YBEY: variants seen among roughly 807,000 people sequenced by gnomAD.
The protein encoded by YBEY is ybeY metalloendoribonuclease.
Under a neutral mutation model 13.5 loss-of-function variants are expected in YBEY, and 15 were observed. The observed-to-expected ratio is 1.11, with a 90% CI of 0.75 to 1.72. The LOEUF (loss-of-function observed/expected upper bound fraction) is 1.72. Ranked by LOEUF, YBEY falls within the 40% of genes most tolerant of loss-of-function variation. The pLI, the probability that YBEY is intolerant of heterozygous loss-of-function variation, is 0.00. For synonymous variants in YBEY, 101 were observed against 83.1 expected (o/e 1.21, Z -1.17); for missense variants, 244 against 208.4 (o/e 1.17, Z -1.05).
the YBEY span, among the ~76,000 whole-genome samples, chr21:46,303,745 A>ATATATATAT: frequency 2.5e-4 from 6 of 23,820 alleles, no homozygotes; most frequent in Admixed American, 8.1e-4. Flanking sequence ...ATATATATAT[A>ATATATATAT]TTTTTTTTTT....
chr21:46,310,802 ACT>A, the YBEY span, among the ~76,000 whole-genome samples: 26 of 149,238 alleles, frequency 1.7e-4, 1 homozygote, highest in Admixed American at 2.7e-4. Flanking sequence ...AAAGTAAGAC[ACT>A]CTCTCTCTCT....
the YBEY span, among the ~76,000 whole-genome samples, chr21:46,310,994 C>T: frequency 6.6e-6 from 1 of 151,892 alleles, no homozygotes; most frequent in Non-Finnish European, 1.5e-5. Context: ...GCCTCAGCCT[C>T]CCAAGTAGCT....
At position 46,292,456 on chromosome 21, in the gene YBEY, G is replaced by C. The variant is rs994181905; in HGVS notation, c.339+994G>C. ...TTGAGCAAGGAGGGGATTCGTTTTA[G>C]GGAGGGATGATTACTATTCTTGATT... On this transcript the variant is annotated intron_variant, in intron 3 of 4. Transcript: ENST00000397701. Among the ~76,000 whole-genome samples the C allele has an allele frequency of 1.3e-4, 20 of 152,216 alleles. 1 individual carries two copies. Among genetic ancestry groups the C allele is most frequent in the Admixed American group, 5.2e-4 (8 of 15,288 alleles).
At chr21:46,298,460 GCT>G (rs1173366767), downstream of YBEY, among the ~76,000 whole-genome samples, 4 of 34,392 alleles carry the variant, frequency 1.2e-4, no homozygotes, top group Non-Finnish European at 3.2e-4. Flanking sequence ...ACGGAGTCTC[GCT>G]CTGTCGCCCA....
chr21:46,300,711 T>G (rs2082080015), downstream of YBEY: 1 of 1,286,496 alleles, frequency 7.8e-7, no homozygotes, highest in African/African-American at 1.5e-5. Flanking sequence ...GGTCATCCTG[T>G]CTCCTACCTG....
At chr21:46,287,182 CGTTTTGTTTT>C (rs965322762) in intron 2 of YBEY, 59 bp downstream of exon 2, 39 of 1,482,094 alleles carry the variant, frequency 2.6e-5, no homozygotes, top group Admixed American at 2.5e-4. Flanking sequence ...AATTTCCTGT[CGTTTTGTTTT>C]GTTTTGTTTT....
downstream of YBEY, among the ~76,000 whole-genome samples, chr21:46,299,035 A>ATTTC (rs200987708): frequency 7.6e-6 from 1 of 131,308 alleles, no homozygotes; most frequent in South Asian, 2.4e-4. Context: ...CCAATCCTGT[A>ATTTC]TTTCTTTCTT....
intron 3 of YBEY, 31 bp downstream of exon 3, chr21:46,291,493 G>A: frequency 6.2e-7 from 1 of 1,611,602 alleles, no homozygotes; most frequent in African/African-American, 1.3e-5. Context: ...CATATAACCT[G>A]GCTCATGGAA....
At chr21:46,289,590 C>T (rs1310066535) in intron 2 of YBEY, among the ~76,000 whole-genome samples, 4 of 151,612 alleles carry the variant, frequency 2.6e-5, no homozygotes, top group Non-Finnish European at 4.4e-5. Flanking sequence ...GGATTACAGG[C>T]GCCCACCACC....
the YBEY span, chr21:46,311,592 A>G: frequency 6.3e-6 from 9 of 1,424,778 alleles, no homozygotes; most frequent in African/African-American, 9.8e-5. Flanking sequence ...GTGATTAGCT[A>G]TCTGCATATG....
At chr21:46,296,091 C>T (rs2081942877) in intron 3 of YBEY, 71 bp from the exon 4 acceptor site, 2 of 1,569,886 alleles carry the variant, frequency 1.3e-6, no homozygotes, top group Non-Finnish European at 1.8e-6. Context: ...AGCCTGTGGC[C>T]CTGGGGTGGC....
At chr21:46,291,728 G>C (rs2081720715) in intron 3 of YBEY, 10 of 1,216,816 alleles carry the variant, frequency 8.2e-6, no homozygotes, top group Non-Finnish European at 1.0e-5. Context: ...GAGTAGAGCA[G>C]ACTATGTTGA....
intron 3 of YBEY, among the ~76,000 whole-genome samples, chr21:46,295,650 C>CA (rs1285218570): frequency 6.6e-6 from 1 of 152,170 alleles, no homozygotes; most frequent in Non-Finnish European, 1.5e-5. Context: ...ACCTCTCCCG[C>CA]ACTCCCTGTG....
chr21:46,302,189 C>T (rs1426649284), downstream of YBEY: 1 of 1,438,254 alleles, frequency 7.0e-7, no homozygotes, highest in Non-Finnish European at 9.1e-7. Context: ...AGGACGCAGC[C>T]CAGGCTGCTC....
intron 2 of YBEY, among the ~76,000 whole-genome samples, chr21:46,291,014 C>T (rs9978468): frequency 8.9e-6 from 1 of 112,730 alleles, no homozygotes; most frequent in African/African-American, 3.2e-5. Context: ...GAAACTCTGT[C>T]TCAGGAAAAA....
rs917459391 is a variant in YBEY, at chr21:46,287,000, T to G, written c.87T>G (p.Ile29Met). The change falls in exon 2 of 5, where the codon ATT (isoleucine) becomes ATG (methionine). Residue 29 changes from isoleucine to methionine, a missense_variant. Transcript: ENST00000397701. ...LRSKIEIVRR[I>M]LGVQKFDLGI... is the part of the protein sequence containing the mutation. ...GTAAGATCGAGATTGTAAGGAGGAT[T>G]TTAGGAGTGCAGAAATTTGACCTGG... 34 of 1,613,924 alleles carry G rather than the reference T, an allele frequency of 2.1e-5. No homozygotes were observed. The East Asian group carries it at 7.4e-4, about 35-fold the overall frequency.
chr21:46,286,941 C>T lies in YBEY; in HGVS notation c.28C>T (p.Arg10Ter). 1 of 1,613,826 alleles carries T rather than the reference C, an allele frequency of 6.2e-7. No homozygotes were observed. Among genetic ancestry groups the T allele is most frequent in the Non-Finnish European group, 8.5e-7 (1 of 1,179,960 alleles). Residue 10 changes from arginine to a stop codon, truncating the protein, a stop_gained, in exon 2 of 5, where the codon CGA becomes TGA. Transcript: ENST00000397701. LOFTEE classifies it high-confidence loss of function. ...GAGTTTGGTGATTAGAAATCTGCAGCGAGTCATCCCCATCAGGAGAGCGCC... is the reference window on the plus strand; with the variant it reads ...GAGTTTGGTGATTAGAAATCTGCAGTGAGTCATCCCCATCAGGAGAGCGCC... MSLVIRNLQ[R>*]VIPIRRAPLR...
At chr21:46,304,228 C>T in the YBEY span, among the ~76,000 whole-genome samples, 1 of 151,816 alleles carries the variant, frequency 6.6e-6, no homozygotes, top group African/African-American at 2.4e-5. Flanking sequence ...GATGGGGTTT[C>T]ACTGTGTTAG....
At chr21:46,305,993 G>T in the YBEY span, among the ~76,000 whole-genome samples, 2 of 151,706 alleles carry the variant, frequency 1.3e-5, no homozygotes, top group Non-Finnish European at 2.9e-5. Context: ...CCAGCTACTT[G>T]GGAGGCTGAG....
Sources: gnomAD v4.1 joint callset for allele counts (sites outside exome capture counted in the v4.1 genomes callset) on GRCh38, gnomAD v4.1.1 for gene constraint, MANE v1.5 for transcripts, NCBI Gene and HGNC (gene_info 2026-07-23, HGNC 2026-07-21) for gene names.